ZNF99: variants seen among roughly 807,000 people sequenced by gnomAD.
ZNF99 encodes the protein zinc finger protein ENSP00000375192.
Under a neutral mutation model 12.8 loss-of-function variants are expected in ZNF99, and 8 were observed. The observed-to-expected ratio is 0.62, with a 90% confidence interval of 0.37 to 1.13. The LOEUF (loss-of-function observed/expected upper bound fraction) is 1.13, where lower values mean the gene tolerates loss of function less well. Ranked by LOEUF, ZNF99 falls within the 50% of genes most tolerant of loss-of-function variation. ZNF99 has a pLI of 0.02. For missense variants in ZNF99, 1,007 were observed against 1,006.2 expected (o/e 1.00, Z -0.01); for synonymous variants, 318 against 319.0 (o/e 1.00, Z 0.03).
rs34661397 is a variant in ZNF99, at chr19:22,782,354, CT to C, written c.3+1659del. On this transcript the variant is annotated intron_variant, in intron 1 of 3. Transcript: ENST00000596209. ...AGGTGGCTCTAGTGCCTGATATCTA[CT>C]TTTTTTTTTCTTTTTTTTTAAGACA... is the stretch of plus-strand genomic sequence containing the variant. 3.9e-3 allele frequency among the ~76,000 whole-genome samples: 575 copies of C among 148,772 alleles called. 1 individual carries two copies. The highest frequency in any genetic ancestry group is 0.018 in the South Asian group (85 of 4,682).
In ZNF99 at chr19:22,758,293, C is replaced by A. The variant is rs767476127; in HGVS notation, c.1616G>T (p.Cys539Phe). Residue 539 changes from cysteine (C) to phenylalanine (F), a missense_variant, in exon 4 of 4, where the codon TGT becomes TTT. Coordinates refer to ENST00000596209, the MANE Select transcript of ZNF99 (RefSeq NM_001080409.3). ...GTTAAAAGCTTTGCCACATTCTTCACATTTGTAGGGTTTCTTTCCAGTATG... is the reference window on the plus strand; with the variant it reads ...GTTAAAAGCTTTGCCACATTCTTCAAATTTGTAGGGTTTCTTTCCAGTATG... ...IIHTGKKPYK[C>F]EECGKAFNNS... 17 of 1,609,534 alleles carry A rather than the reference C, an allele frequency of 1.1e-5. No homozygotes were observed. Among genetic ancestry groups the A allele is most frequent in the Non-Finnish European group, 1.4e-5 (16 of 1,177,008 alleles).
At position 22,758,055 on chromosome 19, in the gene ZNF99, C is replaced by G. The variant is rs770887326; in HGVS notation, c.1854G>C (p.Lys618Asn). 1.1e-5 allele frequency: 18 copies of G among 1,610,102 alleles called. No individual in the cohort carries two copies. In the South Asian group the frequency reaches 1.2e-4, roughly 11 times the overall value. ...CACATTCTTCACATTTGTAGGGTTT[C>G]TTTCCAGTATGAATTATCTGATGTT... ...LRKHQIIHTG[K>N]KPYKCEECGK... The change falls in exon 4 of 4, where the codon AAG becomes AAC. Residue 618 changes from lysine (K) to asparagine (N), a missense_variant. Transcript: ENST00000596209.
rs1973023401 is a variant in ZNF99, at chr19:22,754,735, C to T, written c.*2579G>A. On this transcript the variant is annotated 3_prime_UTR_variant, in exon 4 of 4. Coordinates refer to ENST00000596209, the MANE Select transcript of ZNF99 (RefSeq NM_001080409.3). ...GTTAAAAGCTTTGCAACATTCTTCACGTTTGTAGGGTTTCTCTTCAGTATA... is the reference window on the plus strand; with the variant it reads ...GTTAAAAGCTTTGCAACATTCTTCATGTTTGTAGGGTTTCTCTTCAGTATA... The T allele has an allele frequency of 3.7e-6, 1 of 269,832 alleles. No homozygotes were observed. The allele number at this position is 269,832 out of a possible 1,614,324, so 16.7% of individuals were successfully genotyped here. A position where few individuals can be genotyped will look rare whatever the true frequency, so the allele number is the denominator to read the frequency against.
rs1973101872 is a variant in ZNF99 at position 22,758,341 on chromosome 19, G to A, written c.1568C>T (p.Ala523Val). ...ECGKAFKHFS[A>V]LRKHKIIHTG... is the part of the protein sequence containing the mutation. ...ATGAATTATCTTATGTTTTCTAAGG[G>A]CTGAGAAATGCTTAAAAGCTTTGCC... The change falls in exon 4 of 4, where the codon GCC becomes GTC. Residue 523 changes from alanine (A) to valine (V), a missense_variant. Ala to Val is a moderately conservative substitution (Grantham distance 64). Transcript: ENST00000596209. 4 of 1,612,494 alleles carry A rather than the reference G, an allele frequency of 2.5e-6. No individual in the cohort carries two copies. The highest frequency in any genetic ancestry group is 3.4e-6 in the Non-Finnish European group (4 of 1,179,566).
At chr19:22,780,254 G>A (rs1349189428) in intron 1 of ZNF99, among the ~76,000 whole-genome samples, 4 of 152,214 alleles carry the variant, frequency 2.6e-5, no homozygotes, top group Admixed American at 6.5e-5. Context: ...GTAAGTGTTC[G>A]AAAAATTCAG....
chr19:22,759,192 G>T lies in ZNF99; in HGVS notation c.717C>A (p.Asn239Lys), dbSNP rs1356642905. ...YKYKKCGKAF[N>K]ISSMFTKCKI... ...TACATTTAGTGAACATTGAAGAGAT[G>T]TTAAAAGCTTTGCCACATTTCTTAT... is the stretch of plus-strand genomic sequence containing the variant. Residue 239 changes from asparagine to lysine, a missense_variant, in exon 4 of 4, where the codon AAC becomes AAA. Asn to Lys is a moderately conservative substitution (Grantham distance 94, BLOSUM62 0). Transcript: ENST00000596209. 3.8e-6 allele frequency: 6 copies of T among 1,584,072 alleles called. No individual in the cohort carries two copies. In the South Asian group the frequency reaches 5.6e-5, roughly 15 times the overall value.
intron 2 of ZNF99, 129 bp downstream of exon 2, chr19:22,769,069 C>T: frequency 9.8e-7 from 1 of 1,017,428 alleles, no homozygotes; most frequent in South Asian, 1.6e-5. Context: ...CTTTCAAATC[C>T]CTGTTTTCAG....
chr19:22,781,403 CTTTT>C lies in ZNF99; in HGVS notation c.3+2607_3+2610del, dbSNP rs35970718. Among the ~76,000 whole-genome samples the C allele has an allele frequency of 6.8e-5, 6 of 87,950 alleles. No individual in the cohort carries two copies. The East Asian group carries it at 1.6e-3, about 24-fold the overall frequency. The allele number at this position is 87,950 out of a possible 152,430, so 57.7% of individuals were successfully genotyped here. ...TTCTTACACCATCTCATTGGGGTCA[CTTTT>C]TTTTTTTTTTTTTTTTTTTGTCGTT... On this transcript the variant is annotated intron_variant, in intron 1 of 3. Coordinates refer to ENST00000596209, the MANE Select transcript of ZNF99 (RefSeq NM_001080409.3).
At chr19:22,769,406 A>G in intron 1 of ZNF99, 82 bp from the exon 2 acceptor site, 1 of 1,449,874 alleles carries the variant, frequency 6.9e-7, no homozygotes, top group South Asian at 1.2e-5. Context: ...GTGAAATGAG[A>G]GAGTAAAGAG....
chr19:22,781,012 A>C (rs1287526267), intron 1 of ZNF99, among the ~76,000 whole-genome samples: 2 of 152,200 alleles, frequency 1.3e-5, no homozygotes, highest in Non-Finnish European at 2.9e-5. Flanking sequence ...AACCATAAAA[A>C]ACACACCAGA....
chr19:22,782,661 C>CT (rs71180598), intron 1 of ZNF99, among the ~76,000 whole-genome samples: 8,357 of 86,396 alleles, frequency 0.097, 701 homozygotes, highest in Non-Finnish European at 0.12. Flanking sequence ...CGCACCTGGC[C>CT]TTTTTTTTTT....
rs371278630 is a variant in ZNF99 at position 22,757,879 on chromosome 19, T to C, written c.2030A>G (p.Tyr677Cys). 2.5e-6 allele frequency: 4 copies of C among 1,611,892 alleles called. No homozygotes were observed. Among genetic ancestry groups the C allele is most frequent in the Non-Finnish European group, 1.7e-6 (2 of 1,178,868 alleles). ...HKVIHTEEKP[Y>C]KCEECGKAFN... Reference sequence around the variant, plus strand: ...AGCCTTGCCACATTCTTCACATTTGTAGGGTTTCTCTTCAGTATGAATTAC... The same window carrying C: ...AGCCTTGCCACATTCTTCACATTTGCAGGGTTTCTCTTCAGTATGAATTAC... The change falls in exon 4 of 4, where the codon TAC (tyrosine) becomes TGC (cysteine). Residue 677 changes from tyrosine (Y) to cysteine (C), a missense_variant. Physicochemically the swap from Tyr to Cys is radical, Grantham distance 194. Coordinates refer to ENST00000596209, the MANE Select transcript of ZNF99 (RefSeq NM_001080409.3).
chr19:22,772,156 TTAGCAGTG>T (rs1308939191), intron 1 of ZNF99, among the ~76,000 whole-genome samples: 1 of 152,072 alleles, frequency 6.6e-6, no homozygotes, highest in Admixed American at 6.6e-5. Flanking sequence ...ATATACTTGA[TTAGCAGTG>T]TGATTACAAG....
At position 22,757,443 on chromosome 19, in the gene ZNF99, A is replaced by T; in HGVS notation, c.2466T>A (p.Cys822Ter). 1.2e-6 allele frequency: 2 copies of T among 1,610,282 alleles called. No individual in the cohort carries two copies. The highest frequency in any genetic ancestry group is 1.7e-6 in the Non-Finnish European group (2 of 1,179,534). ...TGEKSYKCEE[C>*]GKAFQWSSKL... is the part of the protein sequence containing the mutation. ...TTGAGGACCACTGAAAAGCTTTACC[A>T]CATTCTTCACATTTGTAGGATTTCT... Residue 822 changes from cysteine (C) to a stop codon, truncating the protein, a stop_gained, in exon 4 of 4, where the codon TGT (cysteine) becomes TGA (stop). Transcript: ENST00000596209. LOFTEE classifies it low-confidence loss of function (END_TRUNC).
At position 22,752,591 on chromosome 19, in the gene ZNF99, G is replaced by T. The variant is rs1255092818; in HGVS notation, c.*4723C>A. On this transcript the variant is annotated 3_prime_UTR_variant, in exon 4 of 4. Coordinates refer to ENST00000596209, the MANE Select transcript of ZNF99 (RefSeq NM_001080409.3). ...CTGAAAAAAAGAGATTACTAGAGAT[G>T]TTATTCCACTCTTACCAAATAGTAA... The T allele has an allele frequency of 6.6e-6, 1 of 152,030 alleles. No homozygotes were observed. Among genetic ancestry groups the T allele is most frequent in the Non-Finnish European group, 1.5e-5 (1 of 67,984 alleles). The allele number at this position is 152,030 out of a possible 1,614,324, so 9.4% of individuals were successfully genotyped here. A position where few individuals can be genotyped will look rare whatever the true frequency, so the allele number is the denominator to read the frequency against.
chr19:22,754,239 C>T lies in ZNF99; in HGVS notation c.*3075G>A, dbSNP rs373751080. The T allele has an allele frequency of 1.6e-5, 7 of 438,974 alleles. No homozygotes were observed. The highest frequency in any genetic ancestry group is 3.2e-5 in the South Asian group (2 of 62,916). 27.2% of individuals were successfully genotyped at this position (438,974 alleles called of 1,614,324 possible). On this transcript the variant is annotated 3_prime_UTR_variant, in exon 4 of 4. Coordinates refer to ENST00000596209, the MANE Select transcript of ZNF99 (RefSeq NM_001080409.3). ...AAAATTAGCTGGGCGTGGTGGCAGG[C>T]GCCTGCAATCCCAGCTGCTTGGGAG...
At position 22,761,214 on chromosome 19, in the gene ZNF99, A is replaced by C. The variant is rs532778194; in HGVS notation, c.227-1532T>G. 3.9e-5 allele frequency among the ~76,000 whole-genome samples: 6 copies of C among 152,290 alleles called. No individual in the cohort carries two copies. In the South Asian group the frequency reaches 1.2e-3, roughly 32 times the overall value. On this transcript the variant is annotated intron_variant, in intron 3 of 3. Transcript: ENST00000596209. ...AGACATAGGAACACAGACCACTATA[A>C]AAAATTTTAAAAATGAGGATACCTC...
chr19:22,784,136 A>C lies in ZNF99; in HGVS notation c.-120T>G, dbSNP rs1400114526. 1.8e-6 allele frequency: 2 copies of C among 1,094,042 alleles called. No individual in the cohort carries two copies. The highest frequency in any genetic ancestry group is 1.3e-6 in the Non-Finnish European group (1 of 759,666). The allele number at this position is 1,094,042 out of a possible 1,614,324, so 67.8% of individuals were successfully genotyped here. Reference sequence around the variant, plus strand: ...AAACGAGATCCGGAGCTCCAGCTGGAACCAGAAACAACGGCCCCGCCACAT... The same window carrying C: ...AAACGAGATCCGGAGCTCCAGCTGGCACCAGAAACAACGGCCCCGCCACAT... On this transcript the variant is annotated 5_prime_UTR_variant, in exon 1 of 4. Coordinates refer to ENST00000596209, the MANE Select transcript of ZNF99 (RefSeq NM_001080409.3).
rs770053606 is a variant in ZNF99, at chr19:22,754,194, C to T, written c.*3120G>A. ...CCAGCCTGGTCAAAATGGTGAAACC[C>T]CGTCTCTACTAAAAATACAAAAATT... On this transcript the variant is annotated 3_prime_UTR_variant, in exon 4 of 4. Coordinates refer to ENST00000596209, the MANE Select transcript of ZNF99 (RefSeq NM_001080409.3). 9.0e-5 allele frequency: 40 copies of T among 444,366 alleles called. No homozygotes were observed. Among genetic ancestry groups the T allele is most frequent in the Admixed American group, 1.2e-4 (5 of 40,876 alleles). 27.5% of individuals were successfully genotyped at this position (444,366 alleles called of 1,614,324 possible).
Sources: gnomAD v4.1 joint callset for allele counts (sites outside exome capture counted in the v4.1 genomes callset) on GRCh38, gnomAD v4.1.1 for gene constraint, MANE v1.5 for transcripts, NCBI Gene and HGNC (gene_info 2026-07-23, HGNC 2026-07-21) for gene names.